The following ALG9 variants were observed in gnomAD, a reference collection of about 807,000 sequenced individuals.
ALG9 encodes the protein ALG9 alpha-1,2-mannosyltransferase.
In ALG9, 55 loss-of-function variants were observed where a neutral mutation model predicts 81.8. The ratio of observed to expected loss-of-function variants is 0.67; its 90% CI spans 0.54 to 0.84. ALG9 has a LOEUF of 0.84. ALG9 is among the 40% of genes least tolerant of loss of function. The pLI is 0.00. For missense variants in ALG9, 629 were observed against 745.0 expected (o/e 0.84, Z 1.81); for synonymous variants, 278 against 274.3 (o/e 1.01, Z -0.13).
intron 12 of ALG9, chr11:111,836,642 A>G: frequency 3.0e-6 from 1 of 333,394 alleles, no homozygotes; most frequent in East Asian, 7.6e-5. Context: ...GGTGTAGAGA[A>G]AAAGAATGAA....
chr11:111,793,165 A>T (rs1334501139), intron 14 of ALG9, among the ~76,000 whole-genome samples: 1 of 152,000 alleles, frequency 6.6e-6, no homozygotes, highest in African/African-American at 2.4e-5. Context: ...TACTTTTTGC[A>T]GCGACGGGGT....
Position 111,785,647 on chromosome 11 carries a change from G to A in ALG9, c.*750C>T, listed in dbSNP as rs1946386741. ...TTTTGTCTGTTGATATCTTCACATG[G>A]AGGAGTCTAGAATTCAAAAAATAGC... is the stretch of plus-strand genomic sequence containing the variant. On this transcript the variant is annotated 3_prime_UTR_variant, in exon 15 of 15. Coordinates refer to ENST00000616540, the MANE Select transcript of ALG9 (RefSeq NM_024740.2). 1 of 175,370 alleles carries A rather than the reference G, an allele frequency of 5.7e-6. No individual in the cohort carries two copies. Among genetic ancestry groups the A allele is most frequent in the African/African-American group, 2.4e-5 (1 of 41,744 alleles). 10.9% of individuals were successfully genotyped at this position (175,370 alleles called of 1,614,324 possible).
intron 3 of ALG9, among the ~76,000 whole-genome samples, chr11:111,867,099 A>C (rs1555153881): frequency 6.6e-6 from 1 of 152,258 alleles, no homozygotes; most frequent in Non-Finnish European, 1.5e-5. Flanking sequence ...CGTCTCAAAA[A>C]CAAACCAAAC....
At chr11:111,847,984 A>T (rs1009256892) in intron 8 of ALG9, among the ~76,000 whole-genome samples, 1 of 152,214 alleles carries the variant, frequency 6.6e-6, no homozygotes, top group Admixed American at 6.5e-5. Context: ...ATTCTCTGGT[A>T]AAGTCTCAGT....
chr11:111,864,853 C>T (rs1961753087), intron 4 of ALG9, among the ~76,000 whole-genome samples: 1 of 152,110 alleles, frequency 6.6e-6, no homozygotes, highest in Non-Finnish European at 1.5e-5. Flanking sequence ...TCTCAGCTCA[C>T]CACAACCTCC....
chr11:111,792,259 A>G (rs1947553918), intron 14 of ALG9, among the ~76,000 whole-genome samples: 2 of 152,170 alleles, frequency 1.3e-5, no homozygotes, highest in Admixed American at 6.5e-5. Context: ...CCCACAAAAC[A>G]CACCCACATT....
chr11:111,836,044 C>T lies in ALG9; in HGVS notation c.1602+121G>A, dbSNP rs193013118. On this transcript the variant is annotated intron_variant, in intron 13 of 14. Transcript: ENST00000616540. ...GATTACAGGTGTGAGCCACAGCACC[C>T]GGCCTTAAAAAAATTGCTTTCTAAG... 8.1e-4 allele frequency: 1,091 copies of T among 1,346,900 alleles called. 7 individuals are homozygous for T. In the African/African-American group the frequency reaches 0.012, roughly 15 times the overall value. 83.4% of individuals were successfully genotyped at this position (1,346,900 alleles called of 1,614,324 possible). A position where few individuals can be genotyped will look rare whatever the true frequency, so the allele number is the denominator to read the frequency against.
At position 111,871,473 on chromosome 11, in the gene ALG9, G is replaced by A; in HGVS notation, c.10C>T (p.Arg4Ter). Residue 4 changes from arginine to a stop codon, truncating the protein, a stop_gained, in exon 1 of 15, where the codon CGA becomes TGA. Coordinates refer to ENST00000616540, the MANE Select transcript of ALG9 (RefSeq NM_024740.2). LOFTEE classifies it high-confidence loss of function. ...CCCTTCAGGCGCTGCCGAGCCCCTC[G>A]ACTAGCCATGGCAAGCCTGGGGAAA... MAS[R>*]GARQRLKGSG... is the part of the protein sequence containing the mutation. 1 of 1,536,650 alleles carries A rather than the reference G, an allele frequency of 6.5e-7. No individual in the cohort carries two copies.
intron 8 of ALG9, among the ~76,000 whole-genome samples, chr11:111,846,723 A>C (rs1253809636): frequency 6.6e-6 from 1 of 152,204 alleles, no homozygotes; most frequent in Non-Finnish European, 1.5e-5. Context: ...GAACAAAAAG[A>C]GTGACTTCTA....
intron 14 of ALG9, among the ~76,000 whole-genome samples, chr11:111,789,911 A>C (rs759389474): frequency 6.2e-4 from 94 of 152,056 alleles, no homozygotes; most frequent in Non-Finnish European, 9.3e-4. Context: ...AGGCTGATAG[A>C]TCATGTTCAA....
intron 14 of ALG9, chr11:111,805,290 T>A (rs1041293218): frequency 4.4e-6 from 2 of 456,218 alleles, no homozygotes; most frequent in Non-Finnish European, 8.8e-6. Flanking sequence ...ACTGGCATCG[T>A]GATCTTGGTC....
chr11:111,784,306 C>A lies in ALG9; in HGVS notation c.*2091G>T, dbSNP rs930940987. 2 of 152,280 alleles carry A rather than the reference C, an allele frequency of 1.3e-5. No homozygotes were observed. Among genetic ancestry groups the A allele is most frequent in the Admixed American group, 1.3e-4 (2 of 15,288 alleles). The allele number at this position is 152,280 out of a possible 1,614,324, so 9.4% of individuals were successfully genotyped here. ...GCGCTTCAACTCCGTCTCTGATATT[C>A]CTGCAGAGGAGATCTCAAAGAGGAG... On this transcript the variant is annotated 3_prime_UTR_variant, in exon 15 of 15. Transcript: ENST00000616540.
At chr11:111,855,856 G>A (rs1395866093) in intron 6 of ALG9, among the ~76,000 whole-genome samples, 1 of 152,048 alleles carries the variant, frequency 6.6e-6, no homozygotes, top group East Asian at 1.9e-4. Flanking sequence ...AGAAAGGAAT[G>A]GAGATGAGGA....
chr11:111,828,206 T>A (rs961231043), intron 13 of ALG9, among the ~76,000 whole-genome samples: 4 of 151,994 alleles, frequency 2.6e-5, no homozygotes, highest in African/African-American at 9.7e-5. Context: ...AAAAAGGAGA[T>A]GAACATGGTT....
At chr11:111,832,468 T>A (rs11214013) in intron 13 of ALG9, among the ~76,000 whole-genome samples, 3 of 151,942 alleles carry the variant, frequency 2.0e-5, no homozygotes, top group South Asian at 4.2e-4. Context: ...TTGTAGAGAC[T>A]GAATCTCGCT....
At chr11:111,768,896 C>T in the ALG9 span, 1 of 151,014 alleles carries the variant, frequency 6.6e-6, no homozygotes, top group Admixed American at 6.6e-5. Flanking sequence ...CCATGCTGCC[C>T]AGGCTAAAAA....
chr11:111,840,582 G>A, intron 10 of ALG9, 73 bp downstream of exon 10: 11 of 1,551,682 alleles, frequency 7.1e-6, no homozygotes, highest in Non-Finnish European at 9.8e-6. Flanking sequence ...TCTGTAATTT[G>A]CACTTAAGTT....
chr11:111,851,870 C>CA (rs1329197008), intron 8 of ALG9, among the ~76,000 whole-genome samples: 1 of 152,172 alleles, frequency 6.6e-6, no homozygotes, highest in Non-Finnish European at 1.5e-5. Flanking sequence ...TCTCACACCC[C>CA]TGGGGATCTT....
chr11:111,791,757 C>T (rs2136227643), intron 14 of ALG9, among the ~76,000 whole-genome samples: 1 of 152,348 alleles, frequency 6.6e-6, no homozygotes, highest in East Asian at 1.9e-4. Flanking sequence ...CTGTTTTTCT[C>T]ATGACTGAGT....
Sources: gnomAD v4.1 joint callset for allele counts (sites outside exome capture counted in the v4.1 genomes callset) on GRCh38, gnomAD v4.1.1 for gene constraint, MANE v1.5 for transcripts, NCBI Gene and HGNC (gene_info 2026-07-23, HGNC 2026-07-21) for gene names.